Variants in CDAN1 observed in about 807,000 individuals in gnomAD.
The protein encoded by CDAN1 is codanin-1.
Under a neutral mutation model 139.8 loss-of-function variants are expected in CDAN1, and 107 were observed. The observed-to-expected ratio is 0.77, with a 90% CI of 0.65 to 0.90. CDAN1 has a LOEUF of 0.90. Among genes scored for constraint, CDAN1 ranks in the 40% least tolerant of loss-of-function variants. CDAN1 has a pLI of 0.00. For missense variants in CDAN1, 1,667 were observed against 1,575.7 expected, an observed-to-expected ratio of 1.06 and a Z score of -0.98; for synonymous variants, 776 against 660.6, an observed-to-expected ratio of 1.17 and a Z score of -2.68.
At chr15:42,728,068 G>A (rs772849591) in intron 21 of CDAN1, 35 bp from the exon 22 acceptor site, 9 of 1,608,576 alleles carry the variant, frequency 5.6e-6, no homozygotes, top group Admixed American at 1.7e-5. Flanking sequence ...GGGGCTAGGG[G>A]AGGGCTGGGT....
rs769402481 is a variant in CDAN1, at chr15:42,728,819, G to C, written c.2646-9C>G. ...CTGCCACCAGTGTAGCCCTGCAGCA[G>C]GGACAGCAAGGTTGGGGATGGTTGG... On this transcript the variant is annotated splice_polypyrimidine_tract_variant and intron_variant, in intron 19 of 27. Transcript: ENST00000356231. 6.2e-7 allele frequency: 1 copy of C among 1,614,172 alleles called. No homozygotes were observed. The highest frequency in any genetic ancestry group is 8.5e-7 in the Non-Finnish European group (1 of 1,180,024).
rs1266410083 is a variant in CDAN1 at position 42,732,326 on chromosome 15, CT to C, written c.1533+6del. ...AATGTGGATTAATCTCTTGCTGGGGCTGTTACCTGGAGTAGTTGTTTTTGGA... is the reference window on the plus strand; with the variant it reads ...AATGTGGATTAATCTCTTGCTGGGGCGTTACCTGGAGTAGTTGTTTTTGGA... On this transcript the variant is annotated splice_donor_region_variant and intron_variant, in intron 10 of 27. Coordinates refer to ENST00000356231, the MANE Select transcript of CDAN1 (RefSeq NM_138477.4). 1.9e-6 allele frequency: 3 copies of C among 1,613,404 alleles called. No homozygotes were observed. In the East Asian group the frequency reaches 6.7e-5, roughly 36 times the overall value.
At chr15:42,732,916 GAC>G (rs1339363996) in intron 9 of CDAN1, among the ~76,000 whole-genome samples, 179 bp downstream of exon 9, 1 of 152,222 alleles carries the variant, frequency 6.6e-6, no homozygotes, top group Non-Finnish European at 1.5e-5. Flanking sequence ...GAGCTGGAGA[GAC>G]ACATCCCTTT....
intron 11 of CDAN1, 114 bp from the exon 12 acceptor site, chr15:42,731,445 G>C: frequency 6.6e-7 from 1 of 1,517,160 alleles, no homozygotes; most frequent in Non-Finnish European, 9.1e-7. Flanking sequence ...GGAGGCCCAG[G>C]AGCAATGAAA....
Position 42,726,179 on chromosome 15 carries a change from GGAAA to G in CDAN1, c.3205-23_3205-20del. 6.2e-7 allele frequency: 1 copy of G among 1,613,730 alleles called. No homozygotes were observed. The highest frequency in any genetic ancestry group is 8.5e-7 in the Non-Finnish European group (1 of 1,179,676). The stretch of plus-strand genomic sequence containing the variant: ...ACAGGAACTGCGGTTGGGGTGGGGG[GGAAA>G]GAGAGACCATAGGTATCACCATGCT... On this transcript the variant is annotated intron_variant, in intron 24 of 27. Coordinates refer to ENST00000356231, the MANE Select transcript of CDAN1 (RefSeq NM_138477.4).
rs1468411767 is a variant in CDAN1 at position 42,731,307 on chromosome 15, C to T, written c.1764G>A (p.Met588Ile). ...CCTGGATCTTCAAGCTCAGACTGTC[C>T]ATGAGATGCTGGTTAAACTGGAAGC... Reference protein sequence around the residue: ...ASSFQFNQHLMDSLSLKIQEL... With the variant: ...ASSFQFNQHLIDSLSLKIQEL... The change falls in exon 12 of 28, where the codon ATG (methionine) becomes ATA (isoleucine). Residue 588 changes from methionine (M) to isoleucine (I), a missense_variant. Met to Ile is a conservative substitution (Grantham distance 10). Transcript: ENST00000356231. 5.2e-5 allele frequency: 84 copies of T among 1,614,066 alleles called. No homozygotes were observed. Among genetic ancestry groups the T allele is most frequent in the Non-Finnish European group, 7.1e-5 (84 of 1,180,032 alleles).
In CDAN1 at chr15:42,730,967, C is replaced by T. The variant is rs747377141; in HGVS notation, c.1965G>A (p.Pro655=). Residue 655 remains proline (P), a synonymous_variant, in exon 13 of 28, where the codon CCG becomes CCA. Transcript: ENST00000356231. ...FLPYRGPEPP[P]TGELQDSILA... is the part of the protein sequence containing the mutation. Reference sequence around the variant, plus strand: ...GAATGGAGTCCTGAAGCTCACCGGTCGGGGGAGGTTCAGGCCCCCGGTATG... The same window carrying T: ...GAATGGAGTCCTGAAGCTCACCGGTTGGGGGAGGTTCAGGCCCCCGGTATG... The T allele has an allele frequency of 9.3e-6, 15 of 1,613,898 alleles. No homozygotes were observed. Among genetic ancestry groups the T allele is most frequent in the African/African-American group, 2.7e-5 (2 of 74,896 alleles).
chr15:42,728,722 C>T lies in CDAN1; in HGVS notation c.2734G>A (p.Ala912Thr), dbSNP rs372240589. ...VTQGEEGGDP[A>T]QLLEILCSQL... ...GAACACAAGATCTCCAACAGCTGGG[C>T]TGGGTCTCCCCCTTCCTCTCCCTGT... Residue 912 changes from alanine to threonine, a missense_variant, in exon 20 of 28, where the codon GCC (alanine) becomes ACC (threonine). By Grantham distance (58) the Ala-to-Thr change is moderately conservative. Coordinates refer to ENST00000356231, the MANE Select transcript of CDAN1 (RefSeq NM_138477.4). 4 of 1,614,080 alleles carry T rather than the reference C, an allele frequency of 2.5e-6. No individual in the cohort carries two copies. Among genetic ancestry groups the T allele is most frequent in the Middle Eastern group, 1.6e-4 (1 of 6,082 alleles).
chr15:42,728,823 CAGCAAGGTTG>C lies in CDAN1; in HGVS notation c.2646-23_2646-14del, dbSNP rs2061568049. The C allele has an allele frequency of 1.2e-6, 2 of 1,614,018 alleles. No homozygotes were observed. The highest frequency in any genetic ancestry group is 1.3e-5 in the African/African-American group (1 of 74,926). The stretch of plus-strand genomic sequence containing the variant: ...CACCAGTGTAGCCCTGCAGCAGGGA[CAGCAAGGTTG>C]GGGATGGTTGGAGGGTTAATCGGAA... On this transcript the variant is annotated splice_polypyrimidine_tract_variant and intron_variant, in intron 19 of 27. Coordinates refer to ENST00000356231, the MANE Select transcript of CDAN1 (RefSeq NM_138477.4).
chr15:42,735,942 AAGGGCTAGTGTCC>A lies in CDAN1; in HGVS notation c.693_705del (p.Asp232GlyfsTer70). The A allele has an allele frequency of 1.2e-6, 2 of 1,614,148 alleles. No individual in the cohort carries two copies. Among genetic ancestry groups the A allele is most frequent in the Non-Finnish European group, 8.5e-7 (1 of 1,180,006 alleles). ...CACCCTGGGGGAAGGCCAAGGCCCCAAGGGCTAGTGTCCAGGGCTGAGGGTTGGGAACTGGGGA... is the reference window on the plus strand; with the variant it reads ...CACCCTGGGGGAAGGCCAAGGCCCCAAGGGCTGAGGGTTGGGAACTGGGGA... On this transcript the variant is annotated frameshift_variant, in exon 3 of 28. Coordinates refer to ENST00000356231, the MANE Select transcript of CDAN1 (RefSeq NM_138477.4). LOFTEE classifies it high-confidence loss of function.
rs2061683178 is a variant in CDAN1 at position 42,736,078 on chromosome 15, C to T, written c.570G>A (p.Gly190=). ...PVGSVPPGPT[G]TKPSRRINPT... ...GGTTGATCCTGCGAGAAGGCTTCGT[C>T]CTGCTGAGAGTAGCCACAGGTTTTT... Residue 190 remains glycine (G), a splice_region_variant and synonymous_variant, in exon 3 of 28, where the codon GGG becomes GGA. Coordinates refer to ENST00000356231, the MANE Select transcript of CDAN1 (RefSeq NM_138477.4). 6.2e-7 allele frequency: 1 copy of T among 1,614,116 alleles called. No homozygotes were observed.
chr15:42,733,840 G>A, intron 8 of CDAN1, 98 bp downstream of exon 8: 2 of 898,682 alleles, frequency 2.2e-6, no homozygotes, highest in East Asian at 5.2e-5. Flanking sequence ...CCCACCACCT[G>A]TTGGTGCCAA....
Position 42,737,064 on chromosome 15 carries a change from C to T in CDAN1, c.39G>A (p.Val13=). Residue 13 remains valine, a synonymous_variant, in exon 1 of 28, where the codon GTG becomes GTA. Coordinates refer to ENST00000356231, the MANE Select transcript of CDAN1 (RefSeq NM_138477.4). Reference sequence around the variant, plus strand: ...TCCACCGCACGACGGCTGCGACCGACACCTCTTCTCGCAGCAGCGACTCCA... The same window carrying T: ...TCCACCGCACGACGGCTGCGACCGATACCTCTTCTCGCAGCAGCGACTCCA... The part of the protein sequence containing the change: ...AVLESLLREE[V]SVAAVVRWIA... 1.0e-5 allele frequency: 16 copies of T among 1,541,556 alleles called. 1 individual carries two copies. The Middle Eastern group carries it at 8.4e-4, about 81-fold the overall frequency.
At position 42,728,817 on chromosome 15, in the gene CDAN1, C is replaced by T. The variant is rs1566981836; in HGVS notation, c.2646-7G>A. 2 of 1,614,126 alleles carry T rather than the reference C, an allele frequency of 1.2e-6. No individual in the cohort carries two copies. The highest frequency in any genetic ancestry group is 1.7e-6 in the Non-Finnish European group (2 of 1,180,010). The stretch of plus-strand genomic sequence containing the variant: ...ATCTGCCACCAGTGTAGCCCTGCAG[C>T]AGGGACAGCAAGGTTGGGGATGGTT... On this transcript the variant is annotated splice_polypyrimidine_tract_variant and splice_region_variant and intron_variant, in intron 19 of 27. Transcript: ENST00000356231.
Position 42,729,210 on chromosome 15 carries a change from G to C in CDAN1, c.2541+19C>G. On this transcript the variant is annotated intron_variant, in intron 18 of 27. Transcript: ENST00000356231. ...ACCCCCCCTCATTTTCCCCACGGCTGTCTCCGCCCTGCCCTTACCTGCAGC... is the reference window on the plus strand; with the variant it reads ...ACCCCCCCTCATTTTCCCCACGGCTCTCTCCGCCCTGCCCTTACCTGCAGC... 10 of 1,604,842 alleles carry C rather than the reference G, an allele frequency of 6.2e-6. No homozygotes were observed. Among genetic ancestry groups the C allele is most frequent in the Non-Finnish European group, 8.5e-6 (10 of 1,173,314 alleles).
chr15:42,736,142 G>T (rs529704255), intron 2 of CDAN1, 64 bp from the exon 3 acceptor site: 2 of 1,578,574 alleles, frequency 1.3e-6, no homozygotes, highest in East Asian at 2.3e-5. Context: ...CTCCACCACC[G>T]CAACAGCTAG....
At chr15:42,736,164 A>G in intron 2 of CDAN1, 86 bp from the exon 3 acceptor site, 1 of 1,574,246 alleles carries the variant, frequency 6.4e-7, no homozygotes. Flanking sequence ...CCTCTTGCCA[A>G]AAAACCCCAC....
chr15:42,734,418 C>T, intron 6 of CDAN1, 72 bp from the exon 7 acceptor site: 4 of 1,588,476 alleles, frequency 2.5e-6, no homozygotes, highest in Non-Finnish European at 3.4e-6. Flanking sequence ...ACCTGCACAC[C>T]ACAGAGGATC....
Position 42,736,303 on chromosome 15 carries a change from C to T in CDAN1, c.568G>A (p.Gly190Arg), listed in dbSNP as rs868647480. Residue 190 changes from glycine to arginine, a missense_variant and splice_region_variant, in exon 2 of 28, where the codon GGG becomes AGG. Coordinates refer to ENST00000356231, the MANE Select transcript of CDAN1 (RefSeq NM_138477.4). ...TCCTGCATGAGAGCTGAGTCTCACCCTGTAGGGCCGGGGGGAACCGAGCCT... is the reference window on the plus strand; with the variant it reads ...TCCTGCATGAGAGCTGAGTCTCACCTTGTAGGGCCGGGGGGAACCGAGCCT... ...PVGSVPPGPT[G>R]TKPSRRINPT... 2.5e-6 allele frequency: 4 copies of T among 1,613,524 alleles called. No homozygotes were observed. The African/African-American group carries it at 4.0e-5, about 16-fold the overall frequency.
Sources: allele counts gnomAD v4.1 joint callset (sites outside exome capture counted in the v4.1 genomes callset), GRCh38; gene constraint gnomAD v4.1.1; transcripts MANE v1.5; gene names NCBI Gene and HGNC (gene_info 2026-07-23, HGNC 2026-07-21).